Variants in CHAF1B observed in about 807,000 individuals in gnomAD.
CHAF1B encodes CAF-1 subunit B.
CHAF1B carries 10 observed loss-of-function variants against 60.7 expected under a neutral mutation model. The ratio of observed to expected loss-of-function variants is 0.16; its 90% confidence interval spans 0.10 to 0.28. CHAF1B has a LOEUF of 0.28. CHAF1B is among the 10% of genes least tolerant of loss of function. The pLI, the probability that CHAF1B is intolerant of heterozygous loss-of-function variation, is 1.00. For synonymous variants in CHAF1B, 261 were observed against 266.1 expected, an observed-to-expected ratio of 0.98 and a Z score of 0.19; for missense variants, 558 against 708.4, an observed-to-expected ratio of 0.79 and a Z score of 2.41.
chr21:36,387,103 A>C (rs766276447), intron 2 of CHAF1B, among the ~76,000 whole-genome samples: 10 of 152,184 alleles, frequency 6.6e-5, no homozygotes, highest in Non-Finnish European at 1.5e-4. Context: ...ACTGGGTAAC[A>C]AGTTGCTCTA....
In CHAF1B at chr21:36,387,650, C is replaced by A; in HGVS notation, c.179C>A (p.Ser60Tyr). 1 of 1,614,130 alleles carries A rather than the reference C, an allele frequency of 6.2e-7. No homozygotes were observed. The highest frequency in any genetic ancestry group is 8.5e-7 in the Non-Finnish European group (1 of 1,180,032). Residue 60 changes from serine (S) to tyrosine (Y), a missense_variant, in exon 3 of 14, where the codon TCC becomes TAC. By Grantham distance (144) the Ser-to-Tyr change is moderately radical. Coordinates refer to ENST00000314103, the MANE Select transcript of CHAF1B (RefSeq NM_005441.3). ...PDGKAIVEFL[S>Y]NLARHTKAVN... ...GGAAAAGCCATCGTGGAATTTTTGT[C>A]CAATCTTGCTCGTCATACCAAAGCC...
At chr21:36,411,991 G>C (rs1429643147) in intron 11 of CHAF1B, among the ~76,000 whole-genome samples, 1 of 152,118 alleles carries the variant, frequency 6.6e-6, no homozygotes, top group Non-Finnish European at 1.5e-5. Context: ...GCCTCCCAAA[G>C]TGCTGGGATT....
chr21:36,411,432 G>GT (rs775965583), intron 10 of CHAF1B, 31 bp from the exon 11 acceptor site: 2 of 1,611,922 alleles, frequency 1.2e-6, no homozygotes, highest in South Asian at 1.1e-5. Context: ...TGTTTCTGTG[G>GT]TTTTACTTTG....
intron 2 of CHAF1B, among the ~76,000 whole-genome samples, chr21:36,386,717 C>CTTT (rs976266144): frequency 2.1e-5 from 3 of 144,070 alleles, no homozygotes; most frequent in Admixed American, 1.4e-4. Flanking sequence ...GAGCTGCTTT[C>CTTT]TTTTTTTTTT....
intron 10 of CHAF1B, among the ~76,000 whole-genome samples, chr21:36,410,198 G>T (rs113471028): frequency 0.11 from 16,496 of 152,046 alleles, 1,056 homozygotes; most frequent in African/African-American, 0.16. Context: ...CCTGACCTCA[G>T]GTGATCCACC....
chr21:36,394,417 C>G, intron 4 of CHAF1B, 130 bp from the exon 5 acceptor site: 1 of 657,820 alleles, frequency 1.5e-6, no homozygotes, highest in Non-Finnish European at 2.7e-6. Context: ...ACTGTGTTAG[C>G]CAGGCTGGCC....
chr21:36,390,321 GA>G (rs1470317902), intron 3 of CHAF1B, among the ~76,000 whole-genome samples: 12 of 108,376 alleles, frequency 1.1e-4, no homozygotes, highest in Non-Finnish European at 8.8e-5. Flanking sequence ...CAATAAGAGT[GA>G]AACACCATCT....
At chr21:36,408,738 T>A in intron 8 of CHAF1B, 23 bp from the exon 9 acceptor site, 1 of 1,560,436 alleles carries the variant, frequency 6.4e-7, no homozygotes, top group Non-Finnish European at 8.8e-7. Context: ...TTCTTTCCTC[T>A]CCCTCCCTTC....
intron 7 of CHAF1B, among the ~76,000 whole-genome samples, chr21:36,400,325 T>C (rs2086177080): frequency 6.7e-6 from 1 of 150,242 alleles, no homozygotes; most frequent in Non-Finnish European, 1.5e-5. Flanking sequence ...ACAAAAAATA[T>C]AAAATTAGCC....
Position 36,413,067 on chromosome 21 carries a change from G to A in CHAF1B, c.1245G>A (p.Pro415=), listed in dbSNP as rs376013076. ...GAGGGTCTTCGCCAGGACCCAGACC[G>A]GTAGAGGGAACCCCTGCCAGCAGAA... ...THRGSSPGPR[P]VEGTPASRTQ... is the part of the protein sequence containing the mutation. Residue 415 remains proline (P), a synonymous_variant, in exon 12 of 14, where the codon CCG becomes CCA. Coordinates refer to ENST00000314103, the MANE Select transcript of CHAF1B (RefSeq NM_005441.3). 15 of 1,614,060 alleles carry A rather than the reference G, an allele frequency of 9.3e-6. No individual in the cohort carries two copies. Among genetic ancestry groups the A allele is most frequent in the African/African-American group, 2.7e-5 (2 of 74,912 alleles).
At chr21:36,390,948 A>T (rs980361706) in intron 3 of CHAF1B, among the ~76,000 whole-genome samples, 1 of 151,984 alleles carries the variant, frequency 6.6e-6, no homozygotes, top group East Asian at 1.9e-4. Context: ...GAGCCACCCC[A>T]CCCTGCCTAT....
rs1385278283 is a variant in CHAF1B at position 36,394,798 on chromosome 21, C to A, written c.481+148C>A. The stretch of plus-strand genomic sequence containing the variant: ...CCAGGCTGGAGTGCAGTGGTGCGAT[C>A]TTGGTTCACTGCAACCTCTGCCTCC... On this transcript the variant is annotated intron_variant, in intron 5 of 13. Transcript: ENST00000314103. The A allele has an allele frequency of 5.5e-6, 3 of 549,676 alleles. No individual in the cohort carries two copies. In the East Asian group the frequency reaches 1.0e-4, roughly 18 times the overall value. 34.0% of individuals were successfully genotyped at this position (549,676 alleles called of 1,614,324 possible).
At chr21:36,405,525 G>T (rs62229410) in intron 8 of CHAF1B, among the ~76,000 whole-genome samples, 3,039 of 152,140 alleles carry the variant, frequency 0.02, 62 homozygotes, top group Non-Finnish European at 0.027. Flanking sequence ...GATCTCCTGA[G>T]TTCAGGGAAT....
intron 11 of CHAF1B, among the ~76,000 whole-genome samples, chr21:36,412,576 G>C (rs1023305904): frequency 4.6e-5 from 7 of 151,946 alleles, no homozygotes; most frequent in Non-Finnish European, 7.4e-5. Flanking sequence ...TGGCCAGGCT[G>C]GTCTTGAACT....
intron 13 of CHAF1B, chr21:36,415,797 G>A (rs2086314150): frequency 5.0e-6 from 2 of 397,194 alleles, no homozygotes; most frequent in Non-Finnish European, 9.6e-6. Flanking sequence ...CTGTCGCCCA[G>A]GCTGGAATGC....
chr21:36,398,223 T>A (rs2086159154), intron 6 of CHAF1B: 1 of 151,894 alleles, frequency 6.6e-6, no homozygotes, highest in African/African-American at 2.4e-5. Flanking sequence ...CGGCTAATTT[T>A]TATATTTTTT....
rs55920360 is a variant in CHAF1B at position 36,391,907 on chromosome 21, AT to A, written c.377+269del. On this transcript the variant is annotated intron_variant, in intron 4 of 13. Transcript: ENST00000314103. ...GCTACCATGCCCTGCTGATTTTTAA[AT>A]TTTTTTTTTTTTTTTTTTTTTTTTT... Among the ~76,000 whole-genome samples the A allele has an allele frequency of 6.0e-3, 399 of 67,048 alleles. 1 individual carries two copies. Among genetic ancestry groups the A allele is most frequent in the African/African-American group, 0.022 (270 of 12,538 alleles). 44.0% of individuals were successfully genotyped at this position (67,048 alleles called of 152,430 possible).
intron 7 of CHAF1B, 122 bp from the exon 8 acceptor site, chr21:36,402,636 A>G (rs944168801): frequency 5.6e-6 from 4 of 711,202 alleles, no homozygotes; most frequent in African/African-American, 5.3e-5. Flanking sequence ...AAAGAAAACC[A>G]TAGGCACATA....
intron 5 of CHAF1B, among the ~76,000 whole-genome samples, chr21:36,396,455 A>T (rs1000787728): frequency 6.6e-5 from 10 of 151,296 alleles, no homozygotes; most frequent in African/African-American, 2.4e-4. Flanking sequence ...AAGCCTAGGA[A>T]TTCAAGACCA....
Sources: gnomAD v4.1 joint callset for allele counts (sites outside exome capture counted in the v4.1 genomes callset) on GRCh38, gnomAD v4.1.1 for gene constraint, MANE v1.5 for transcripts, NCBI Gene and HGNC (gene_info 2026-07-23, HGNC 2026-07-21) for gene names.